RICTOR: variants seen among roughly 807,000 people sequenced by gnomAD.
RICTOR encodes the protein RPTOR independent companion of MTOR complex 2, also known as rapamycin-insensitive companion of mTOR.
RICTOR carries 49 observed loss-of-function variants against 214.9 expected under a neutral mutation model. That is an observed-to-expected ratio of 0.23 (90% CI 0.18 to 0.29). The LOEUF is 0.29. Ranked by LOEUF, RICTOR falls within the 10% of genes least tolerant of loss-of-function variation. The pLI is 1.00. For synonymous variants in RICTOR, 717 were observed against 711.3 expected, an observed-to-expected ratio of 1.01 and a Z score of -0.13; for missense variants, 1,625 against 2,047.0, an observed-to-expected ratio of 0.79 and a Z score of 3.98.
At chr5:39,063,329 T>TC in intron 2 of RICTOR, among the ~76,000 whole-genome samples, 1 of 150,990 alleles carries the variant, frequency 6.6e-6, no homozygotes, top group Admixed American at 6.6e-5. Context: ...TAATCATTCT[T>TC]CAATAGTTAA....
At chr5:38,963,369 T>C (rs949670370) in intron 16 of RICTOR, among the ~76,000 whole-genome samples, 1 of 151,982 alleles carries the variant, frequency 6.6e-6, no homozygotes, top group African/African-American at 2.4e-5. Flanking sequence ...AAAGCTTTGC[T>C]TTTCACGTAT....
intron 9 of RICTOR, 121 bp from the exon 10 acceptor site, chr5:38,975,725 TAAAACAA>T: frequency 1.9e-6 from 1 of 539,962 alleles, no homozygotes; most frequent in Non-Finnish European, 3.1e-6. Context: ...CACATAAAAT[TAAAACAA>T]GACAAAGATC....
At chr5:39,011,748 T>C (rs1377698407) in intron 3 of RICTOR, among the ~76,000 whole-genome samples, 1 of 152,228 alleles carries the variant, frequency 6.6e-6, no homozygotes, top group Non-Finnish European at 1.5e-5. Flanking sequence ...ATGGGGCCTG[T>C]AGCTCTTTTG....
chr5:39,052,723 A>G (rs1757937208), intron 2 of RICTOR, among the ~76,000 whole-genome samples: 1 of 152,216 alleles, frequency 6.6e-6, no homozygotes, highest in Non-Finnish European at 1.5e-5. Flanking sequence ...AGTCTCCTCA[A>G]AGTACATTGA....
chr5:39,035,572 G>GA (rs1420843335), intron 2 of RICTOR, among the ~76,000 whole-genome samples: 13 of 151,860 alleles, frequency 8.6e-5, no homozygotes, highest in Non-Finnish European at 1.3e-4. Context: ...TAAAAACCTT[G>GA]AAAAAAAATT....
intron 2 of RICTOR, among the ~76,000 whole-genome samples, chr5:39,060,730 G>A (rs1758486833): frequency 6.6e-6 from 1 of 151,956 alleles, no homozygotes; most frequent in Non-Finnish European, 1.5e-5. Flanking sequence ...TAATAACCTG[G>A]TTCCTGGGGG....
chr5:39,026,636 C>T (rs954692119), intron 2 of RICTOR, among the ~76,000 whole-genome samples: 2 of 151,868 alleles, frequency 1.3e-5, no homozygotes, highest in African/African-American at 4.8e-5. Context: ...CTTCTCCTGT[C>T]CTTCCATCGA....
chr5:39,034,276 G>A lies in RICTOR; in HGVS notation c.98-13140C>T, dbSNP rs139651189. Among the ~76,000 whole-genome samples, 1,230 of 152,358 alleles carry A rather than the reference G, an allele frequency of 8.1e-3. 45 individuals are homozygous for A. Among genetic ancestry groups the A allele is most frequent in the Admixed American group, 0.054 (827 of 15,308 alleles). ...TAGAACACTAACAGAAAGTGAGCTA[G>A]ATGTAGTTAATAATCCATTTGAACA... On this transcript the variant is annotated intron_variant, in intron 2 of 37. Transcript: ENST00000357387.
intron 6 of RICTOR, among the ~76,000 whole-genome samples, chr5:38,995,845 C>T (rs188096101): frequency 2.2e-3 from 340 of 152,192 alleles, no homozygotes; most frequent in African/African-American, 7.7e-3. Context: ...TGTAACAGTT[C>T]GCCTATAACA....
In RICTOR at chr5:38,950,593, G is replaced by A. The variant is rs763781910; in HGVS notation, c.3255C>T (p.Phe1085=). Residue 1085 remains phenylalanine, a synonymous_variant, in exon 31 of 38, where the codon TTC becomes TTT. Coordinates refer to ENST00000357387, the MANE Select transcript of RICTOR (RefSeq NM_152756.5). The stretch of plus-strand genomic sequence containing the variant: ...CAAGTTTACTAGAAGCAAAGAAAGG[G>A]AATGAATTTTTATCCTTTATGGGTC... ...RSGPIKDKNS[F]PFFASSKLVK... 9.3e-6 allele frequency: 15 copies of A among 1,613,062 alleles called. No individual in the cohort carries two copies. Among genetic ancestry groups the A allele is most frequent in the African/African-American group, 1.3e-5 (1 of 74,824 alleles).
chr5:39,047,159 A>G (rs984366492), intron 2 of RICTOR, among the ~76,000 whole-genome samples: 1 of 152,234 alleles, frequency 6.6e-6, no homozygotes, highest in Non-Finnish European at 1.5e-5. Context: ...GTCATCAAGT[A>G]TCACTGAGAC....
At chr5:38,986,268 T>C (rs1414059307) in intron 7 of RICTOR, among the ~76,000 whole-genome samples, 2 of 152,200 alleles carry the variant, frequency 1.3e-5, no homozygotes, top group South Asian at 2.1e-4. Flanking sequence ...CTCACTTCCA[T>C]TGCCTTCTGC....
intron 4 of RICTOR, 92 bp from the exon 5 acceptor site, chr5:39,002,758 G>A: frequency 7.8e-7 from 1 of 1,279,596 alleles, no homozygotes; most frequent in Non-Finnish European, 1.1e-6. Context: ...GCCAAAATAT[G>A]CAAAAATTCT....
At chr5:38,976,181 A>G (rs1193954436) in intron 9 of RICTOR, among the ~76,000 whole-genome samples, 2 of 152,306 alleles carry the variant, frequency 1.3e-5, no homozygotes, top group East Asian at 1.9e-4. Flanking sequence ...TGAATTTTTT[A>G]TATCTATTAA....
At position 38,942,300 on chromosome 5, in the gene RICTOR, G is replaced by A. The variant is rs368589608; in HGVS notation, c.*4C>T. ...ATGTATCTATATCCATCATAAATAT[G>A]AGGTCAGGATTCAGCAGATGTATCA... On this transcript the variant is annotated 3_prime_UTR_variant, in exon 38 of 38. Coordinates refer to ENST00000357387, the MANE Select transcript of RICTOR (RefSeq NM_152756.5). 3.0e-5 allele frequency: 46 copies of A among 1,558,822 alleles called. 1 individual carries two copies. In the African/African-American group the frequency reaches 5.4e-4, roughly 18 times the overall value.
intron 3 of RICTOR, among the ~76,000 whole-genome samples, chr5:39,020,288 A>C (rs1005295215): frequency 6.6e-6 from 1 of 152,176 alleles, no homozygotes; most frequent in African/African-American, 2.4e-5. Flanking sequence ...GAAAGAAAAA[A>C]TGCTATCAAA....
At chr5:39,025,951 G>A (rs1031805600) in intron 2 of RICTOR, among the ~76,000 whole-genome samples, 27 of 152,146 alleles carry the variant, frequency 1.8e-4, no homozygotes, top group African/African-American at 6.5e-4. Context: ...TAGTGAGCAA[G>A]CTGAGATTGA....
chr5:38,938,585 T>C lies in RICTOR; in HGVS notation c.*3719A>G. ...CTATCCGATACTTACATTACAAAAA[T>C]ACTCCAAACAGGAAAAAAGTCCACA... is the stretch of plus-strand genomic sequence containing the variant. On this transcript the variant is annotated 3_prime_UTR_variant, in exon 38 of 38. Transcript: ENST00000357387. 8.6e-6 allele frequency: 2 copies of C among 232,796 alleles called. No homozygotes were observed. Among genetic ancestry groups the C allele is most frequent in the East Asian group, 6.1e-5 (1 of 16,418 alleles). 14.4% of individuals were successfully genotyped at this position (232,796 alleles called of 1,614,324 possible). A position where few individuals can be genotyped will look rare whatever the true frequency, so the allele number is the denominator to read the frequency against.
At chr5:39,028,175 CTTTTTTTTTTT>C (rs70982535) in intron 2 of RICTOR, among the ~76,000 whole-genome samples, 5 of 78,404 alleles carry the variant, frequency 6.4e-5, no homozygotes, top group African/African-American at 2.1e-4. Context: ...AACTGGAATT[CTTTTTTTTTTT>C]TTTTTTTTTT....
Sources: gnomAD v4.1 joint callset for allele counts (sites outside exome capture counted in the v4.1 genomes callset) on GRCh38, gnomAD v4.1.1 for gene constraint, MANE v1.5 for transcripts, NCBI Gene and HGNC (gene_info 2026-07-23, HGNC 2026-07-21) for gene names.